ARHGEF12: variants seen among roughly 807,000 people sequenced by gnomAD.
ARHGEF12 encodes the protein Rho guanine nucleotide exchange factor 12.
In ARHGEF12, 66 loss-of-function variants were observed where a neutral mutation model predicts 211.2. That is an observed-to-expected ratio of 0.31 (90% CI 0.26 to 0.38). The LOEUF (loss-of-function observed/expected upper bound fraction) is 0.38. Ranked by LOEUF, ARHGEF12 falls within the 10% of genes least tolerant of loss-of-function variation. ARHGEF12 has a pLI of 1.00. For missense variants in ARHGEF12, 1,429 were observed against 1,869.5 expected (o/e 0.76, Z 4.34); for synonymous variants, 592 against 638.4 (o/e 0.93, Z 1.09).
intron 1 of ARHGEF12, chr11:120,365,757 C>T (rs774186658): frequency 8.5e-5 from 13 of 152,212 alleles, no homozygotes; most frequent in Non-Finnish European, 1.6e-4. Flanking sequence ...AGCTGACTCC[C>T]CAACCAGTTT....
rs770025517 is a variant in ARHGEF12, at chr11:120,440,146, C to T, written c.1017C>T (p.Val339=). The T allele has an allele frequency of 1.1e-5, 17 of 1,612,688 alleles. No individual in the cohort carries two copies. Among genetic ancestry groups the T allele is most frequent in the Admixed American group, 6.7e-5 (4 of 59,892 alleles). The part of the protein sequence containing the change: ...TIQDTDTQSL[V]GSPSTRIAPH... ...GTTGCCAGGACACTCAATCACTTGT[C>T]GGAAGTCCCTCAACCCGTATAGCAC... Residue 339 remains valine (V), a synonymous_variant, in exon 13 of 41, where the codon GTC becomes GTT. Coordinates refer to ENST00000397843, the MANE Select transcript of ARHGEF12 (RefSeq NM_015313.3).
At chr11:120,457,357 G>A in intron 23 of ARHGEF12, 107 bp downstream of exon 23, 1 of 1,330,658 alleles carries the variant, frequency 7.5e-7, no homozygotes, top group Middle Eastern at 2.4e-4. Context: ...TGGCATGGTG[G>A]TATGTACCTA....
At chr11:120,389,611 T>C (rs1158827022) in intron 1 of ARHGEF12, among the ~76,000 whole-genome samples, 1 of 152,228 alleles carries the variant, frequency 6.6e-6, no homozygotes, top group Non-Finnish European at 1.5e-5. Context: ...TTACAAACAA[T>C]CCAGTTGTAC....
chr11:120,392,637 G>A (rs1388776590), intron 1 of ARHGEF12, among the ~76,000 whole-genome samples: 1 of 152,162 alleles, frequency 6.6e-6, no homozygotes, highest in Non-Finnish European at 1.5e-5. Flanking sequence ...ATTTAGGGAC[G>A]TAACTATGTC....
At chr11:120,443,988 T>TACTAGGAAC (rs1945963565) in intron 15 of ARHGEF12, among the ~76,000 whole-genome samples, 2 of 152,320 alleles carry the variant, frequency 1.3e-5, no homozygotes, top group Admixed American at 1.3e-4. Flanking sequence ...CCATGGGGGT[T>TACTAGGAAC]CCTAGAACCG....
Position 120,451,808 on chromosome 11 carries a change from A to G in ARHGEF12, c.2056+84A>G. 2.4e-6 allele frequency: 3 copies of G among 1,250,136 alleles called. No homozygotes were observed. The Admixed American group carries it at 6.5e-5, about 27-fold the overall frequency. The allele number at this position is 1,250,136 out of a possible 1,614,324, so 77.4% of individuals were successfully genotyped here. ...AACTGAAAAATAGAGTGGCAAGTTA[A>G]TCAAGACTAAATCCCAGTTTAATTT... is the stretch of plus-strand genomic sequence containing the variant. On this transcript the variant is annotated intron_variant, in intron 22 of 40. Coordinates refer to ENST00000397843, the MANE Select transcript of ARHGEF12 (RefSeq NM_015313.3).
intron 5 of ARHGEF12, among the ~76,000 whole-genome samples, chr11:120,421,455 T>TTTTTTTTTTTG (rs1555109035): frequency 2.0e-5 from 2 of 99,962 alleles, no homozygotes; most frequent in South Asian, 7.1e-4. Context: ...TTTTTTTTTT[T>TTTTTTTTTTTG]GGAGATGGAG....
intron 11 of ARHGEF12, among the ~76,000 whole-genome samples, chr11:120,435,928 A>T (rs951825533): frequency 6.6e-6 from 1 of 152,150 alleles, no homozygotes; most frequent in African/African-American, 2.4e-5. Flanking sequence ...GTATTTCTGT[A>T]TTTATTACAT....
At chr11:120,419,948 G>A (rs1945134741) in intron 4 of ARHGEF12, among the ~76,000 whole-genome samples, 1 of 152,072 alleles carries the variant, frequency 6.6e-6, no homozygotes, top group African/African-American at 2.4e-5. Context: ...AACAGCCCTG[G>A]GTACTAATCA....
rs529922333 is a variant in ARHGEF12 at position 120,339,192 on chromosome 11, T to A, written c.32+1917T>A. On this transcript the variant is annotated intron_variant, in intron 1 of 40. Coordinates refer to ENST00000397843, the MANE Select transcript of ARHGEF12 (RefSeq NM_015313.3). ...TGGAAAGCCAATTAATAAGCACTGC[T>A]GAGACCTGTTTCGTAGGATTTTTTT... Among the ~76,000 whole-genome samples the A allele has an allele frequency of 2.3e-4, 35 of 152,146 alleles. 1 individual carries two copies. In the East Asian group the frequency reaches 6.6e-3, roughly 28 times the overall value.
chr11:120,466,882 A>G (rs189887960), intron 28 of ARHGEF12, among the ~76,000 whole-genome samples: 1 of 152,336 alleles, frequency 6.6e-6, no homozygotes, highest in East Asian at 1.9e-4. Flanking sequence ...GAATGGACCT[A>G]GATTTTCTGA....
intron 27 of ARHGEF12, among the ~76,000 whole-genome samples, chr11:120,461,493 T>G (rs906397362): frequency 6.6e-6 from 1 of 152,198 alleles, no homozygotes; most frequent in African/African-American, 2.4e-5. Flanking sequence ...CAGAGTAGAT[T>G]TAGCATTATT....
At chr11:120,455,016 G>A (rs909567645) in intron 22 of ARHGEF12, among the ~76,000 whole-genome samples, 3 of 152,090 alleles carry the variant, frequency 2.0e-5, no homozygotes, top group Admixed American at 1.3e-4. Flanking sequence ...CCACCACAGC[G>A]ATCAGAGTTT....
chr11:120,412,855 C>T (rs1232167340), intron 4 of ARHGEF12, among the ~76,000 whole-genome samples: 2 of 152,162 alleles, frequency 1.3e-5, no homozygotes, highest in African/African-American at 2.4e-5. Context: ...CATTTTCCGT[C>T]GTCCCCTGTG....
At chr11:120,385,576 T>C in intron 1 of ARHGEF12, 1 of 644,516 alleles carries the variant, frequency 1.6e-6, no homozygotes, top group Non-Finnish European at 1.9e-6. Flanking sequence ...ATGTACCTGT[T>C]AACAGGAATA....
chr11:120,435,498 C>T lies in ARHGEF12; in HGVS notation c.925-1810C>T, dbSNP rs555794741. Among the ~76,000 whole-genome samples, 5 of 148,484 alleles carry T rather than the reference C, an allele frequency of 3.4e-5. No individual in the cohort carries two copies. In the South Asian group the frequency reaches 6.4e-4, roughly 19 times the overall value. On this transcript the variant is annotated intron_variant, in intron 11 of 40. Coordinates refer to ENST00000397843, the MANE Select transcript of ARHGEF12 (RefSeq NM_015313.3). The stretch of plus-strand genomic sequence containing the variant: ...ATCAACATGATTTCCTTCATTATAA[C>T]GTCCCCTGTCAAGCTTTTTTTTTTT...
At chr11:120,339,829 G>T (rs527790825) in intron 1 of ARHGEF12, among the ~76,000 whole-genome samples, 3 of 152,136 alleles carry the variant, frequency 2.0e-5, no homozygotes, top group Admixed American at 6.5e-5. Context: ...GGTCACTTTG[G>T]ATACTCAGAA....
At chr11:120,403,125 T>C (rs1944589188) in intron 1 of ARHGEF12, among the ~76,000 whole-genome samples, 1 of 152,312 alleles carries the variant, frequency 6.6e-6, no homozygotes, top group Middle Eastern at 3.4e-3. Context: ...GAAAAGGTAT[T>C]CTGAGTTGAG....
At chr11:120,396,084 T>C (rs1464294004) in intron 1 of ARHGEF12, among the ~76,000 whole-genome samples, 2 of 152,022 alleles carry the variant, frequency 1.3e-5, no homozygotes, top group African/African-American at 4.8e-5. Flanking sequence ...TAGAGTGCCT[T>C]ATAGTGCCAC....
Sources: gnomAD v4.1 joint callset for allele counts (sites outside exome capture counted in the v4.1 genomes callset) on GRCh38, gnomAD v4.1.1 for gene constraint, MANE v1.5 for transcripts, NCBI Gene and HGNC (gene_info 2026-07-23, HGNC 2026-07-21) for gene names.